HSF2: variants seen among roughly 807,000 people sequenced by gnomAD.
HSF2 encodes the protein heat shock transcription factor 2, also known as heat shock factor protein 2.
HSF2 carries 21 observed loss-of-function variants against 65.0 expected under a neutral mutation model. The observed-to-expected ratio is 0.32, with a 90% CI of 0.23 to 0.47. The LOEUF is 0.47. HSF2 is among the 20% of genes least tolerant of loss of function. The pLI is 1.00. For synonymous variants in HSF2, 225 were observed against 219.1 expected, an observed-to-expected ratio of 1.03 and a Z score of -0.24; for missense variants, 499 against 628.1, an observed-to-expected ratio of 0.79 and a Z score of 2.20.
intron 1 of HSF2, among the ~76,000 whole-genome samples, chr6:122,404,228 G>A (rs1328707412): frequency 6.6e-6 from 1 of 152,178 alleles, no homozygotes; most frequent in Non-Finnish European, 1.5e-5. Flanking sequence ...TTTTCTAGCT[G>A]TTTTGGATGA....
Position 122,422,236 on chromosome 6 carries a change from A to G in HSF2, c.768A>G (p.Ala256=), listed in dbSNP as rs923300344. The G allele has an allele frequency of 1.3e-6, 2 of 1,596,304 alleles. No homozygotes were observed. The highest frequency in any genetic ancestry group is 1.3e-5 in the African/African-American group (1 of 74,504). Residue 256 remains alanine, a synonymous_variant, in exon 8 of 13, where the codon GCA becomes GCG. Transcript: ENST00000368455. Reference sequence around the variant, plus strand: ...TTTATGATGTTACTGATGATAATGCAGATGAAGAAAATATCCCAGTTATTC... The same window carrying G: ...TTTATGATGTTACTGATGATAATGCGGATGAAGAAAATATCCCAGTTATTC... ...IIIYDVTDDN[A]DEENIPVIPE... is the part of the protein sequence containing the mutation.
intron 1 of HSF2, among the ~76,000 whole-genome samples, chr6:122,403,476 G>A (rs1217838772): frequency 6.6e-6 from 1 of 151,980 alleles, no homozygotes; most frequent in Non-Finnish European, 1.5e-5. Context: ...GTATGGTGGC[G>A]TGCATCTTTA....
At position 122,403,518 on chromosome 6, in the gene HSF2, G is replaced by A. The variant is rs532126106; in HGVS notation, c.93+3688G>A. ...GCTACTCAGGAGGCTGAAGAGGGGAGATGGCTTGAGCCCATGAGGCAGAGG... is the reference window on the plus strand; with the variant it reads ...GCTACTCAGGAGGCTGAAGAGGGGAAATGGCTTGAGCCCATGAGGCAGAGG... On this transcript the variant is annotated intron_variant, in intron 1 of 12. Transcript: ENST00000368455. 2.8e-4 allele frequency among the ~76,000 whole-genome samples: 43 copies of A among 152,230 alleles called. 1 individual carries two copies. The South Asian group carries it at 8.3e-3, about 29-fold the overall frequency.
At chr6:122,402,921 G>T (rs1405332676) in intron 1 of HSF2, among the ~76,000 whole-genome samples, 1 of 152,026 alleles carries the variant, frequency 6.6e-6, no homozygotes, top group Non-Finnish European at 1.5e-5. Flanking sequence ...TTGTATTTCT[G>T]TTGAGGTAAT....
At chr6:122,429,161 C>T (rs1033594978) in intron 11 of HSF2, among the ~76,000 whole-genome samples, 44 of 152,104 alleles carry the variant, frequency 2.9e-4, no homozygotes, top group Admixed American at 1.4e-3. Flanking sequence ...TTTTATATAA[C>T]ATGCTCTGTG....
intron 1 of HSF2, among the ~76,000 whole-genome samples, chr6:122,407,712 G>C (rs953418950): frequency 3.9e-5 from 6 of 151,948 alleles, no homozygotes; most frequent in African/African-American, 1.5e-4. Flanking sequence ...TTACTGAGTA[G>C]TTCTTCCTTT....
chr6:122,405,106 G>A (rs1277109904), intron 1 of HSF2, among the ~76,000 whole-genome samples: 4 of 151,960 alleles, frequency 2.6e-5, no homozygotes, highest in Non-Finnish European at 5.9e-5. Flanking sequence ...CTTACATTGA[G>A]TGGTGGATAT....
Position 122,399,665 on chromosome 6 carries a change from T to TGCTGCCGTA in HSF2, c.-65_-57dup, listed in dbSNP as rs1554207203. ...TGCGTTGTGGGCGTTCTCGGGGAGC[T>TGCTGCCGTA]GCTGCCGTAGCTGCCGCCGCCGCTA... is the stretch of plus-strand genomic sequence containing the variant. On this transcript the variant is annotated 5_prime_UTR_variant, in exon 1 of 13. Coordinates refer to ENST00000368455, the MANE Select transcript of HSF2 (RefSeq NM_004506.4). 9.4e-6 allele frequency: 12 copies of TGCTGCCGTA among 1,271,542 alleles called. No individual in the cohort carries two copies. Among genetic ancestry groups the TGCTGCCGTA allele is most frequent in the East Asian group, 2.5e-5 (1 of 40,228 alleles). The allele number at this position is 1,271,542 out of a possible 1,614,324, so 78.8% of individuals were successfully genotyped here. A position where few individuals can be genotyped will look rare whatever the true frequency, so the allele number is the denominator to read the frequency against.
At chr6:122,431,034 A>G (rs1774452657) in intron 11 of HSF2, among the ~76,000 whole-genome samples, 1 of 152,160 alleles carries the variant, frequency 6.6e-6, no homozygotes, top group African/African-American at 2.4e-5. Flanking sequence ...AATGTATAAT[A>G]CATTTTTTAA....
At chr6:122,429,228 C>T (rs182354740) in intron 11 of HSF2, among the ~76,000 whole-genome samples, 2 of 151,808 alleles carry the variant, frequency 1.3e-5, no homozygotes, top group Admixed American at 6.6e-5. Context: ...TTGAATGGAC[C>T]CATATCATTT....
rs570821710 is a variant in HSF2, at chr6:122,427,820, C to T, written c.1177-83C>T. The T allele has an allele frequency of 4.0e-5, 37 of 924,780 alleles. No individual in the cohort carries two copies. In the South Asian group the frequency reaches 5.5e-4, roughly 14 times the overall value. 57.3% of individuals were successfully genotyped at this position (924,780 alleles called of 1,614,324 possible). A position where few individuals can be genotyped will look rare whatever the true frequency, so the allele number is the denominator to read the frequency against. On this transcript the variant is annotated intron_variant, in intron 10 of 12. Transcript: ENST00000368455. Reference sequence around the variant, plus strand: ...AGTGCAGGGGCTACATCTCTTCACCCAACATGGCTGTATAAAATTTTGAAC... The same window carrying T: ...AGTGCAGGGGCTACATCTCTTCACCTAACATGGCTGTATAAAATTTTGAAC...
In HSF2 at chr6:122,423,776, C is replaced by G. The variant is rs1582618944; in HGVS notation, c.1176+90C>G. On this transcript the variant is annotated intron_variant, in intron 10 of 12. Coordinates refer to ENST00000368455, the MANE Select transcript of HSF2 (RefSeq NM_004506.4). ...CCAGTACGTCATTTTGTTTTGTATT[C>G]TACAGGTTGTTTTTGCATTTCTTTT... 1.2e-5 allele frequency: 7 copies of G among 606,468 alleles called. No individual in the cohort carries two copies. In the East Asian group the frequency reaches 2.1e-4, roughly 19 times the overall value. 37.6% of individuals were successfully genotyped at this position (606,468 alleles called of 1,614,324 possible). A position where few individuals can be genotyped will look rare whatever the true frequency, so the allele number is the denominator to read the frequency against.
chr6:122,431,948 G>A lies in HSF2; in HGVS notation c.1339G>A (p.Ala447Thr), dbSNP rs143153775. ...KPDKQLIQYTAFPLLAFLDGN... is the reference protein window; with the variant it reads ...KPDKQLIQYTTFPLLAFLDGN... Reference sequence around the variant, plus strand: ...AGATAAGCAGCTTATCCAGTATACCGCCTTTCCACTTCTTGCATTCCTCGA... The same window carrying A: ...AGATAAGCAGCTTATCCAGTATACCACCTTTCCACTTCTTGCATTCCTCGA... The change falls in exon 13 of 13, where the codon GCC (alanine) becomes ACC (threonine). Residue 447 changes from alanine to threonine, a missense_variant. Physicochemically the swap from Ala to Thr is moderately conservative, Grantham distance 58 (BLOSUM62 0). This residue lies in a region of HSF2 where 349 missense variants were observed against 393.5 expected (regional missense o/e 0.89). Coordinates refer to ENST00000368455, the MANE Select transcript of HSF2 (RefSeq NM_004506.4). 1.2e-5 allele frequency: 20 copies of A among 1,613,598 alleles called. No homozygotes were observed. The South Asian group carries it at 1.6e-4, about 13-fold the overall frequency.
In HSF2 at chr6:122,422,134, C is replaced by T. The variant is rs763844361; in HGVS notation, c.682-16C>T. ...GATTTTGATTTTTAGATATATTTTTCTCTCTGAATTTTTAGGTTCCACACA... is the reference window on the plus strand; with the variant it reads ...GATTTTGATTTTTAGATATATTTTTTTCTCTGAATTTTTAGGTTCCACACA... On this transcript the variant is annotated splice_polypyrimidine_tract_variant and intron_variant, in intron 7 of 12. Coordinates refer to ENST00000368455, the MANE Select transcript of HSF2 (RefSeq NM_004506.4). 4.6e-6 allele frequency: 7 copies of T among 1,534,678 alleles called. No individual in the cohort carries two copies. Among genetic ancestry groups the T allele is most frequent in the South Asian group, 3.7e-5 (3 of 82,178 alleles).
intron 5 of HSF2, 76 bp downstream of exon 5, chr6:122,416,372 A>G (rs1384715513): frequency 3.4e-6 from 3 of 878,206 alleles, no homozygotes; most frequent in Non-Finnish European, 3.8e-6. Flanking sequence ...AAAGGTCTTT[A>G]TTGAGTGTCT....
chr6:122,429,858 C>T (rs1054941639), intron 11 of HSF2, among the ~76,000 whole-genome samples: 7 of 152,046 alleles, frequency 4.6e-5, no homozygotes, highest in African/African-American at 1.7e-4. Flanking sequence ...GGGATGAAGC[C>T]GACTTGATGG....
chr6:122,428,321 A>G lies in HSF2; in HGVS notation c.1230+365A>G, dbSNP rs541832066. 5.3e-5 allele frequency among the ~76,000 whole-genome samples: 8 copies of G among 152,154 alleles called. No individual in the cohort carries two copies. In the East Asian group the frequency reaches 1.5e-3, roughly 29 times the overall value. On this transcript the variant is annotated intron_variant, in intron 11 of 12. Coordinates refer to ENST00000368455, the MANE Select transcript of HSF2 (RefSeq NM_004506.4). Reference sequence around the variant, plus strand: ...TTCTCAACTTTTTTATTAAAAAGTTATAGTACCCATATTTTTTGTGAGTTC... The same window carrying G: ...TTCTCAACTTTTTTATTAAAAAGTTGTAGTACCCATATTTTTTGTGAGTTC...
chr6:122,411,713 C>T (rs533304734), intron 1 of HSF2, among the ~76,000 whole-genome samples: 17 of 151,892 alleles, frequency 1.1e-4, no homozygotes, highest in African/African-American at 3.6e-4. Flanking sequence ...GGTCTTGACA[C>T]TGTTGTCAAA....
chr6:122,422,726 A>G lies in HSF2; in HGVS notation c.839A>G (p.Gln280Arg). ...DVISDPSNCSQYPDIVIVEDD... is the reference protein window; with the variant it reads ...DVISDPSNCSRYPDIVIVEDD... Reference sequence around the variant, plus strand: ...TTTTATTGCTGATTTAGCTGTAGCCAGTACCCTGATATTGTCATCGTTGAA... The same window carrying G: ...TTTTATTGCTGATTTAGCTGTAGCCGGTACCCTGATATTGTCATCGTTGAA... The change falls in exon 9 of 13, where the codon CAG becomes CGG. Residue 280 changes from glutamine (Q) to arginine (R), a missense_variant. Physicochemically the swap from Gln to Arg is conservative, Grantham distance 43 (BLOSUM62 1). Transcript: ENST00000368455. The G allele has an allele frequency of 1.2e-6, 2 of 1,613,382 alleles. No individual in the cohort carries two copies. The highest frequency in any genetic ancestry group is 2.2e-5 in the South Asian group (2 of 91,066).
Sources: gnomAD v4.1 joint callset for allele counts (sites outside exome capture counted in the v4.1 genomes callset) on GRCh38, gnomAD v4.1.1 for gene constraint, gnomAD v4.1.1 regional missense constraint, MANE v1.5 for transcripts, NCBI Gene and HGNC (gene_info 2026-07-23, HGNC 2026-07-21) for gene names.